The following CHST12 variants were observed in gnomAD, a reference collection of about 807,000 sequenced individuals.
CHST12 encodes the protein carbohydrate (chondroitin 4) sulfotransferase 12.
CHST12 carries 23 observed loss-of-function variants against 27.9 expected under a neutral mutation model. The ratio of observed to expected loss-of-function variants is 0.82; its 90% CI spans 0.59 to 1.17. The LOEUF is 1.17. Ranked by LOEUF, CHST12 falls within the 50% of genes most tolerant of loss-of-function variation. The pLI is 0.00. For missense variants in CHST12, 682 were observed against 603.0 expected (o/e 1.13, Z -1.37); for synonymous variants, 322 against 273.0 (o/e 1.18, Z -1.77).
In CHST12 at chr7:2,446,544, C is replaced by T. The variant is rs897999621; in HGVS notation, c.*12660C>T. ...TCAGCGCTGCGGCTATGTCCAGGGA[C>T]CCCTGGCTGTGCCCACGTCGGGGCT... is the stretch of plus-strand genomic sequence containing the variant. On this transcript the variant is annotated 3_prime_UTR_variant, in exon 2 of 2. Transcript: ENST00000618655. 1 of 152,786 alleles carries T rather than the reference C, an allele frequency of 6.5e-6. No individual in the cohort carries two copies. Among genetic ancestry groups the T allele is most frequent in the Admixed American group, 6.5e-5 (1 of 15,284 alleles). 9.5% of individuals were successfully genotyped at this position (152,786 alleles called of 1,614,324 possible).
chr7:2,406,772 G>A lies in CHST12; in HGVS notation c.-78+3099G>A, dbSNP rs115675646. 3.7e-3 allele frequency among the ~76,000 whole-genome samples: 556 copies of A among 152,208 alleles called. 1 individual carries two copies. The highest frequency in any genetic ancestry group is 0.013 in the African/African-American group (527 of 41,528). On this transcript the variant is annotated intron_variant, in intron 1 of 1. Coordinates refer to ENST00000618655, the MANE Select transcript of CHST12 (RefSeq NM_018641.5). Reference sequence around the variant, plus strand: ...TAATAACCCCCTCCCAGTGTTCAAGGCATCAAGCTTTAAAAATCCCCATCC... The same window carrying A: ...TAATAACCCCCTCCCAGTGTTCAAGACATCAAGCTTTAAAAATCCCCATCC...
intron 1 of CHST12, among the ~76,000 whole-genome samples, chr7:2,417,870 T>C (rs554223529): frequency 1.3e-5 from 2 of 152,394 alleles, no homozygotes; most frequent in South Asian, 4.1e-4. Context: ...CCCAGTCCAG[T>C]TGACACATAA....
Position 2,432,573 on chromosome 7 carries a change from G to C in CHST12, c.-67G>C. ...TCATTGCATCTGCAGGTTCCCAGCA[G>C]GATGCCCCGGCTCTGCAGGAAGCTG... On this transcript the variant is annotated 5_prime_UTR_variant, in exon 2 of 2. Coordinates refer to ENST00000618655, the MANE Select transcript of CHST12 (RefSeq NM_018641.5). 1 of 1,521,174 alleles carries C rather than the reference G, an allele frequency of 6.6e-7. No individual in the cohort carries two copies. The highest frequency in any genetic ancestry group is 2.3e-5 in the East Asian group (1 of 43,596). 94.2% of individuals were successfully genotyped at this position (1,521,174 alleles called of 1,614,324 possible).
rs1276877508 is a variant in CHST12, at chr7:2,433,117, G to A, written c.478G>A (p.Asp160Asn). Residue 160 changes from aspartate to asparagine, a missense_variant, in exon 2 of 2, where the codon GAC becomes AAC. Asp to Asn is a conservative substitution (Grantham distance 23). Transcript: ENST00000618655. The surrounding 1 kb of genome is among the most constrained non-coding windows in gnomAD (Gnocchi z 6.1). Reference protein sequence around the residue: ...PNSELSHLIVDDRHGAIYCYV... With the variant: ...PNSELSHLIVNDRHGAIYCYV... ...CTCGGAGCTGAGCCACCTGATCGTGGACGACCGGCACGGGGCCATCTACTG... is the reference window on the plus strand; with the variant it reads ...CTCGGAGCTGAGCCACCTGATCGTGAACGACCGGCACGGGGCCATCTACTG... 3.7e-6 allele frequency: 6 copies of A among 1,612,514 alleles called. No homozygotes were observed. Among genetic ancestry groups the A allele is most frequent in the Admixed American group, 1.7e-5 (1 of 59,998 alleles).
chr7:2,419,157 C>T (rs1038149493), intron 1 of CHST12, among the ~76,000 whole-genome samples: 3 of 152,132 alleles, frequency 2.0e-5, no homozygotes, highest in Admixed American at 2.0e-4. Context: ...GCCTGTATTC[C>T]CATCACTTTG....
chr7:2,423,259 C>T (rs1782022840), intron 1 of CHST12, among the ~76,000 whole-genome samples: 1 of 151,652 alleles, frequency 6.6e-6, no homozygotes, highest in Non-Finnish European at 1.5e-5. Context: ...GGTGACAGAA[C>T]AAGACTCCAT....
Position 2,436,831 on chromosome 7 carries a change from G to T in CHST12, c.*2947G>T, listed in dbSNP as rs1782485496. On this transcript the variant is annotated 3_prime_UTR_variant, in exon 2 of 2. Transcript: ENST00000618655. ...GGGGTGTTTGCAGGGATGTGGAGGG[G>T]TTCCTGCAGAAGACACCACCCACAT... is the stretch of plus-strand genomic sequence containing the variant. 6.6e-6 allele frequency: 1 copy of T among 152,202 alleles called. No homozygotes were observed. The highest frequency in any genetic ancestry group is 2.4e-5 in the African/African-American group (1 of 41,450). The allele number at this position is 152,202 out of a possible 1,614,324, so 9.4% of individuals were successfully genotyped here. A position where few individuals can be genotyped will look rare whatever the true frequency, so the allele number is the denominator to read the frequency against.
intron 1 of CHST12, among the ~76,000 whole-genome samples, chr7:2,414,135 A>C (rs547528960): frequency 4.1e-4 from 63 of 152,126 alleles, no homozygotes; most frequent in Non-Finnish European, 6.9e-4. Flanking sequence ...CGTCTGTTCA[A>C]ATTTTTTGCT....
intron 1 of CHST12, among the ~76,000 whole-genome samples, chr7:2,425,079 G>A (rs545711939): frequency 7.9e-4 from 120 of 151,940 alleles, no homozygotes; most frequent in African/African-American, 2.8e-3. Context: ...GGTGGCGGGC[G>A]CCTGTAGTCC....
chr7:2,412,030 A>T (rs1434688786), intron 1 of CHST12, among the ~76,000 whole-genome samples: 5 of 152,052 alleles, frequency 3.3e-5, no homozygotes. Context: ...GAACAGGGTG[A>T]GCTGATAGCC....
At chr7:2,412,230 T>A (rs1781685450) in intron 1 of CHST12, among the ~76,000 whole-genome samples, 1 of 152,214 alleles carries the variant, frequency 6.6e-6, no homozygotes, top group Non-Finnish European at 1.5e-5. Context: ...AGTAATTGTA[T>A]AAGCAAATAA....
intron 1 of CHST12, among the ~76,000 whole-genome samples, chr7:2,427,612 T>C (rs929697259): frequency 6.6e-6 from 1 of 152,106 alleles, no homozygotes; most frequent in African/African-American, 2.4e-5. Flanking sequence ...ATGGTACAGC[T>C]GTAGGGTGTT....
In CHST12 at chr7:2,432,738, C is replaced by T; in HGVS notation, c.99C>T (p.His33=). ...ACTGGGACAGCGCAGGCGCCGCGCA[C>T]TTCTACTTGCACACGTCCTTCTCTA... ...IVYWDSAGAA[H]FYLHTSFSRP... The change falls in exon 2 of 2, where the codon CAC becomes CAT. Residue 33 remains histidine, a synonymous_variant. Transcript: ENST00000618655. 6.2e-7 allele frequency: 1 copy of T among 1,613,964 alleles called. No individual in the cohort carries two copies. The highest frequency in any genetic ancestry group is 8.5e-7 in the Non-Finnish European group (1 of 1,179,886).
chr7:2,414,264 T>C (rs1781746472), intron 1 of CHST12, among the ~76,000 whole-genome samples: 1 of 152,076 alleles, frequency 6.6e-6, no homozygotes, highest in African/African-American at 2.4e-5. Context: ...TGTCTTTTAC[T>C]TTCTTTTTTT....
chr7:2,427,019 C>A (rs1041753168), intron 1 of CHST12, among the ~76,000 whole-genome samples: 2 of 144,694 alleles, frequency 1.4e-5, no homozygotes, highest in Non-Finnish European at 3.0e-5. Context: ...GAGAGAGAGA[C>A]ATATAAATGA....
chr7:2,422,345 A>C lies in CHST12; in HGVS notation c.-77-10218A>C, dbSNP rs570399490. Among the ~76,000 whole-genome samples, 10 of 151,514 alleles carry C rather than the reference A, an allele frequency of 6.6e-5. 1 individual carries two copies. The East Asian group carries it at 2.0e-3, about 30-fold the overall frequency. Reference sequence around the variant, plus strand: ...CTGCAACCTCCGCCTCCCAGGTTCAAGCGATTCTCCTGCCTCAGCCTCCCG... The same window carrying C: ...CTGCAACCTCCGCCTCCCAGGTTCACGCGATTCTCCTGCCTCAGCCTCCCG... On this transcript the variant is annotated intron_variant, in intron 1 of 1. Coordinates refer to ENST00000618655, the MANE Select transcript of CHST12 (RefSeq NM_018641.5).
chr7:2,424,876 A>G (rs1338570470), intron 1 of CHST12, among the ~76,000 whole-genome samples: 1 of 152,156 alleles, frequency 6.6e-6, no homozygotes, highest in Non-Finnish European at 1.5e-5. Context: ...TGTTGTAATC[A>G]GGGTGCCCCC....
chr7:2,414,287 C>CT (rs199691324), intron 1 of CHST12, among the ~76,000 whole-genome samples: 2,569 of 150,460 alleles, frequency 0.017, 60 homozygotes, highest in African/African-American at 0.059. Flanking sequence ...TTTTCTTTTT[C>CT]TTTTTTTTTC....
chr7:2,424,467 C>G (rs1429399900), intron 1 of CHST12, among the ~76,000 whole-genome samples: 1 of 152,104 alleles, frequency 6.6e-6, no homozygotes, highest in Non-Finnish European at 1.5e-5. Context: ...CAGGCAGTGG[C>G]TTTTAGAGTC....
Sources: gnomAD v4.1 joint callset for allele counts (sites outside exome capture counted in the v4.1 genomes callset) on GRCh38, gnomAD v4.1.1 for gene constraint, Gnocchi (gnomAD v3.1) non-coding constraint, MANE v1.5 for transcripts, NCBI Gene and HGNC (gene_info 2026-07-23, HGNC 2026-07-21) for gene names.